NUCKS1: variants seen among roughly 807,000 people sequenced by gnomAD.
NUCKS1 encodes the protein nuclear ubiquitous casein and cyclin-dependent kinase substrate 1.
Under a neutral mutation model 33.0 loss-of-function variants are expected in NUCKS1, and 2 were observed. The observed-to-expected ratio is 0.06, with a 90% CI of 0.02 to 0.19. The LOEUF is 0.19. Among genes scored for constraint, NUCKS1 ranks in the 10% least tolerant of loss-of-function variants. The pLI is 1.00. For missense variants in NUCKS1, 201 were observed against 293.6 expected (o/e 0.68, Z 2.31); for synonymous variants, 106 against 102.8 (o/e 1.03, Z -0.19).
rs1269906548 is a variant in NUCKS1, at chr1:205,715,092, A to AT, written c.*3187dup. The AT allele has an allele frequency of 5.9e-5, 9 of 152,224 alleles. No homozygotes were observed. The highest frequency in any genetic ancestry group is 1.0e-4 in the Non-Finnish European group (7 of 68,046). The allele number at this position is 152,224 out of a possible 1,614,324, so 9.4% of individuals were successfully genotyped here. ...CTGAATGTTCACAGATAAAAAAGCCATTAAAAAAAAGAGTCAAGTTTAGTC... is the reference window on the plus strand; with the variant it reads ...CTGAATGTTCACAGATAAAAAAGCCATTTAAAAAAAAGAGTCAAGTTTAGTC... On this transcript the variant is annotated 3_prime_UTR_variant, in exon 7 of 7. Transcript: ENST00000367142.
chr1:205,720,838 G>A (rs1000306429), intron 4 of NUCKS1, among the ~76,000 whole-genome samples, 185 bp from the exon 5 acceptor site: 1 of 152,020 alleles, frequency 6.6e-6, no homozygotes, highest in Non-Finnish European at 1.5e-5. Flanking sequence ...CAACATTTCT[G>A]CAAAATGATG....
At chr1:205,746,495 A>G (rs907862304) in intron 1 of NUCKS1, among the ~76,000 whole-genome samples, 18 of 151,002 alleles carry the variant, frequency 1.2e-4, no homozygotes, top group African/African-American at 4.4e-4. Context: ...ACACTAGAGA[A>G]TAAGAGAATG....
chr1:205,719,793 A>T, intron 5 of NUCKS1, 117 bp from the exon 6 acceptor site: 1 of 1,113,626 alleles, frequency 9.0e-7, no homozygotes, highest in Non-Finnish European at 1.3e-6. Flanking sequence ...ACACCCTTGG[A>T]TTCTATTTGG....
intron 3 of NUCKS1, 89 bp downstream of exon 3, chr1:205,727,611 A>G: frequency 1.2e-6 from 1 of 867,296 alleles, no homozygotes; most frequent in Non-Finnish European, 2.0e-6. Context: ...TCAAAAGTAT[A>G]TGAGATTCCA....
chr1:205,746,352 G>C (rs1654324932), intron 1 of NUCKS1, among the ~76,000 whole-genome samples: 1 of 151,964 alleles, frequency 6.6e-6, no homozygotes, highest in South Asian at 2.1e-4. Flanking sequence ...ATCTTTGATG[G>C]CATGTCTTTG....
At chr1:205,742,615 G>C (rs960833693) in intron 1 of NUCKS1, among the ~76,000 whole-genome samples, 1 of 152,172 alleles carries the variant, frequency 6.6e-6, no homozygotes, top group Non-Finnish European at 1.5e-5. Context: ...ACAAGGTCAG[G>C]GGATCGAGAC....
intron 1 of NUCKS1, among the ~76,000 whole-genome samples, chr1:205,735,831 G>A (rs1454176985): frequency 6.6e-6 from 1 of 152,162 alleles, no homozygotes; most frequent in Non-Finnish European, 1.5e-5. Context: ...TGGATATGAT[G>A]ATTAAGTCAC....
intron 1 of NUCKS1, among the ~76,000 whole-genome samples, chr1:205,748,945 T>C (rs578130871): frequency 6.6e-6 from 1 of 152,184 alleles, no homozygotes; most frequent in African/African-American, 2.4e-5. Context: ...CCTCCATAAA[T>C]GGCACATTCC....
chr1:205,722,966 G>A (rs1671948628), intron 4 of NUCKS1, among the ~76,000 whole-genome samples: 1 of 152,188 alleles, frequency 6.6e-6, no homozygotes, highest in Non-Finnish European at 1.5e-5. Flanking sequence ...CTTAATACTA[G>A]TACAGAGTTA....
Position 205,729,741 on chromosome 1 carries a change from G to T in NUCKS1, c.18-120C>A, listed in dbSNP as rs563578869. The T allele has an allele frequency of 1.6e-4, 133 of 809,246 alleles. No homozygotes were observed. In the African/African-American group the frequency reaches 2.0e-3, roughly 12 times the overall value. 50.1% of individuals were successfully genotyped at this position (809,246 alleles called of 1,614,324 possible). On this transcript the variant is annotated intron_variant, in intron 1 of 6. Transcript: ENST00000367142. ...CTAGCACTTTGAAAATTATTTAATT[G>T]CTGGACGTGGTGGCTCACACCTGTA...
chr1:205,727,825 C>T lies in NUCKS1; in HGVS notation c.68-20G>A. The stretch of plus-strand genomic sequence containing the variant: ...CTTCATCTAAACAGTGTTTTTCAAA[C>T]TTAATTAACTATGATTTTTACATGT... On this transcript the variant is annotated intron_variant, in intron 2 of 6. Transcript: ENST00000367142. The T allele has an allele frequency of 1.4e-6, 2 of 1,466,294 alleles. No individual in the cohort carries two copies. Among genetic ancestry groups the T allele is most frequent in the Non-Finnish European group, 1.9e-6 (2 of 1,051,210 alleles). 90.8% of individuals were successfully genotyped at this position (1,466,294 alleles called of 1,614,324 possible). A position where few individuals can be genotyped will look rare whatever the true frequency, so the allele number is the denominator to read the frequency against.
intron 1 of NUCKS1, among the ~76,000 whole-genome samples, chr1:205,742,456 C>G (rs939084832): frequency 5.9e-5 from 9 of 152,180 alleles, no homozygotes; most frequent in Middle Eastern, 3.2e-3. Flanking sequence ...AGAATCTAGA[C>G]AGCAATAATT....
At chr1:205,749,402 G>A (rs181439401) in intron 1 of NUCKS1, among the ~76,000 whole-genome samples, 3 of 152,360 alleles carry the variant, frequency 2.0e-5, no homozygotes, top group East Asian at 3.9e-4. Context: ...CGACCCCGAA[G>A]GACAGAGGCG....
intron 1 of NUCKS1, among the ~76,000 whole-genome samples, chr1:205,739,818 G>C (rs1654120432): frequency 6.6e-6 from 1 of 151,976 alleles, no homozygotes; most frequent in Admixed American, 6.6e-5. Flanking sequence ...CAAATTCCTT[G>C]ACTCAAGCGA....
intron 4 of NUCKS1, among the ~76,000 whole-genome samples, chr1:205,721,367 T>C (rs1671913301): frequency 6.6e-6 from 1 of 151,952 alleles, no homozygotes; most frequent in South Asian, 2.1e-4. Flanking sequence ...CTATTACATA[T>C]AAAGTAACAA....
chr1:205,741,297 CAAAAAA>C (rs56979923), intron 1 of NUCKS1, among the ~76,000 whole-genome samples: 23 of 78,920 alleles, frequency 2.9e-4, no homozygotes, highest in African/African-American at 1.1e-3. Context: ...GAGACTGTCT[CAAAAAA>C]AAAAAAAAAA....
intron 1 of NUCKS1, among the ~76,000 whole-genome samples, chr1:205,749,125 G>C (rs1351395339): frequency 1.3e-5 from 2 of 152,208 alleles, no homozygotes; most frequent in Admixed American, 1.3e-4. Context: ...ACGCGTACGC[G>C]GGTGAGAGTG....
chr1:205,723,382 G>A (rs972094156), intron 4 of NUCKS1, among the ~76,000 whole-genome samples: 29 of 151,914 alleles, frequency 1.9e-4, no homozygotes, highest in Admixed American at 1.4e-3. Context: ...ATTTTATTTG[G>A]CCATGGAGAC....
At position 205,719,617 on chromosome 1, in the gene NUCKS1, T is replaced by C; in HGVS notation, c.442A>G (p.Ser148Gly). 6.2e-7 allele frequency: 1 copy of C among 1,613,858 alleles called. No individual in the cohort carries two copies. Among genetic ancestry groups the C allele is most frequent in the Non-Finnish European group, 8.5e-7 (1 of 1,179,874 alleles). ...ATCTTTTTGTTTTTCTTTTTCGAAC[T>C]GCCATAGTCACTATCGTCATCATCT... The part of the protein sequence containing the change: ...MEDDDDSDYG[S>G]SKKKNKKMVK... The change falls in exon 6 of 7, where the codon AGT becomes GGT. Residue 148 changes from serine to glycine, a missense_variant. Coordinates refer to ENST00000367142, the MANE Select transcript of NUCKS1 (RefSeq NM_022731.5).
Sources: gnomAD v4.1 joint callset for allele counts (sites outside exome capture counted in the v4.1 genomes callset) on GRCh38, gnomAD v4.1.1 for gene constraint, MANE v1.5 for transcripts, NCBI Gene and HGNC (gene_info 2026-07-23, HGNC 2026-07-21) for gene names.